The following TDO2 variants were observed in gnomAD, a reference collection of about 807,000 sequenced individuals.
TDO2 encodes tryptamin 2,3-dioxygenase.
Under a neutral mutation model 61.2 loss-of-function variants are expected in TDO2, and 63 were observed. That is an observed-to-expected ratio of 1.03 (90% CI 0.84 to 1.27). The LOEUF is 1.27. TDO2 is among the 50% of genes most tolerant of loss of function. The pLI, the probability that TDO2 is intolerant of heterozygous loss-of-function variation, is 0.00. For synonymous variants in TDO2, 183 were observed against 164.0 expected (o/e 1.12, Z -0.89); for missense variants, 494 against 469.5 (o/e 1.05, Z -0.48).
intron 4 of TDO2, 57 bp downstream of exon 4, chr4:155,907,849 T>C (rs1395095586): frequency 1.0e-5 from 14 of 1,349,536 alleles, no homozygotes; most frequent in Non-Finnish European, 1.5e-5. Context: ...ATATGGAAAG[T>C]ATTATTAATG....
At chr4:155,905,893 A>C (rs1560774847) in intron 3 of TDO2, 1 of 152,134 alleles carries the variant, frequency 6.6e-6, no homozygotes, top group Non-Finnish European at 1.5e-5. Context: ...AATGTGATTG[A>C]GTAAATTAAT....
chr4:155,915,441 A>G (rs1413705609), intron 8 of TDO2, among the ~76,000 whole-genome samples: 1 of 152,160 alleles, frequency 6.6e-6, no homozygotes, highest in Admixed American at 6.5e-5. Flanking sequence ...TGTGCTCATT[A>G]AAAACAAGTT....
intron 7 of TDO2, among the ~76,000 whole-genome samples, chr4:155,913,071 G>A (rs781660841): frequency 2.6e-5 from 4 of 151,978 alleles, no homozygotes; most frequent in Non-Finnish European, 5.9e-5. Flanking sequence ...TACCACTCAA[G>A]TGCAACCCTC....
At chr4:155,908,452 G>A (rs1351616554) in intron 4 of TDO2, among the ~76,000 whole-genome samples, 1 of 152,118 alleles carries the variant, frequency 6.6e-6, no homozygotes, top group Non-Finnish European at 1.5e-5. Context: ...CCATACAGAT[G>A]GGACCCTTCC....
Position 155,920,155 on chromosome 4 carries a change from G to T in TDO2, c.*165G>T. 1 of 633,716 alleles carries T rather than the reference G, an allele frequency of 1.6e-6. No individual in the cohort carries two copies. Among genetic ancestry groups the T allele is most frequent in the Non-Finnish European group, 2.7e-6 (1 of 373,262 alleles). The allele number at this position is 633,716 out of a possible 1,614,324, so 39.3% of individuals were successfully genotyped here. A position where few individuals can be genotyped will look rare whatever the true frequency, so the allele number is the denominator to read the frequency against. On this transcript the variant is annotated 3_prime_UTR_variant, in exon 12 of 12. Transcript: ENST00000536354. ...TTTGATTACCTCTTGTTTGTGACAAGACTAAGCATTAAGATGAGAAAGAAT... is the reference window on the plus strand; with the variant it reads ...TTTGATTACCTCTTGTTTGTGACAATACTAAGCATTAAGATGAGAAAGAAT...
At chr4:155,916,685 C>G (rs1742944367) in intron 9 of TDO2, among the ~76,000 whole-genome samples, 1 of 152,098 alleles carries the variant, frequency 6.6e-6, no homozygotes, top group Non-Finnish European at 1.5e-5. Flanking sequence ...TTGACTCACT[C>G]CTACTCTATT....
intron 5 of TDO2, among the ~76,000 whole-genome samples, chr4:155,909,788 A>G (rs542388715): frequency 6.6e-6 from 1 of 150,938 alleles, no homozygotes; most frequent in South Asian, 2.1e-4. Flanking sequence ...CTTACAATAG[A>G]AGAAACCATT....
In TDO2 at chr4:155,910,112, C is replaced by T. The variant is rs778957952; in HGVS notation, c.519C>T (p.Val173=). 1 of 1,600,384 alleles carries T rather than the reference C, an allele frequency of 6.2e-7. No individual in the cohort carries two copies. Among genetic ancestry groups the T allele is most frequent in the Non-Finnish European group, 8.5e-7 (1 of 1,175,462 alleles). The change falls in exon 6 of 12, where the codon GTC becomes GTT. Residue 173 remains valine (V), a synonymous_variant. Transcript: ENST00000536354. Reference sequence around the variant, plus strand: ...TAGGTGTTCTTCAGAACATGAGAGTCCCTTATAACAGAAGACATTATCGTG... The same window carrying T: ...TAGGTGTTCTTCAGAACATGAGAGTTCCTTATAACAGAAGACATTATCGTG... ...NKIGVLQNMR[V]PYNRRHYRDN...
chr4:155,912,309 TTAAA>T (rs369433466), intron 7 of TDO2, among the ~76,000 whole-genome samples: 92 of 152,226 alleles, frequency 6.0e-4, no homozygotes, highest in African/African-American at 2.1e-3. Flanking sequence ...GAACAGGAAA[TTAAA>T]TAAATACTTG....
intron 8 of TDO2, 76 bp from the exon 9 acceptor site, chr4:155,915,779 T>A (rs192907783): frequency 2.3e-6 from 3 of 1,280,292 alleles, no homozygotes; most frequent in Admixed American, 4.4e-5. Flanking sequence ...TTAAATTTTT[T>A]AAGATGACGA....
intron 4 of TDO2, 42 bp from the exon 5 acceptor site, chr4:155,908,845 G>C: frequency 6.3e-7 from 1 of 1,575,406 alleles, no homozygotes; most frequent in Middle Eastern, 1.7e-4. Context: ...ATTTTCTAGA[G>C]GTCAGCATTG....
chr4:155,903,791 T>A lies in TDO2; in HGVS notation c.33T>A (p.Phe11Leu). Reference sequence around the variant, plus strand: ...GGTGCCCATTTTTAGGAAACAACTTTGGGTGAGTATTTACCTTTATTCTAA... The same window carrying A: ...GGTGCCCATTTTTAGGAAACAACTTAGGGTGAGTATTTACCTTTATTCTAA... MSGCPFLGNN[F>L]GYTFKKLPVE... Residue 11 changes from phenylalanine to leucine, a missense_variant and splice_region_variant, in exon 1 of 12, where the codon TTT (phenylalanine) becomes TTA (leucine). Phe to Leu is a conservative substitution (Grantham distance 22). Transcript: ENST00000536354. 1 of 1,614,192 alleles carries A rather than the reference T, an allele frequency of 6.2e-7. No homozygotes were observed. Among genetic ancestry groups the A allele is most frequent in the Non-Finnish European group, 8.5e-7 (1 of 1,180,036 alleles).
intron 7 of TDO2, among the ~76,000 whole-genome samples, chr4:155,912,557 C>G (rs375325446): frequency 3.8e-4 from 58 of 152,224 alleles, no homozygotes; most frequent in African/African-American, 1.2e-3. Flanking sequence ...ATGTTTGCTT[C>G]TAATTCTCTG....
chr4:155,904,516 TA>T (rs1223397337), intron 2 of TDO2, among the ~76,000 whole-genome samples: 2 of 152,188 alleles, frequency 1.3e-5, no homozygotes, highest in Non-Finnish European at 2.9e-5. Context: ...AGTCGAAATG[TA>T]AAAGGCACAC....
rs895659393 is a variant in TDO2, at chr4:155,914,309, T to C, written c.727-14T>C. 6.3e-7 allele frequency: 1 copy of C among 1,589,626 alleles called. No homozygotes were observed. The highest frequency in any genetic ancestry group is 8.5e-7 in the Non-Finnish European group (1 of 1,170,380). ...TTCTCTCTCAGGACTATTAATGCCA[T>C]ATTTTTCCTAAAGGCTAAAGAAGAG... is the stretch of plus-strand genomic sequence containing the variant. On this transcript the variant is annotated splice_polypyrimidine_tract_variant and intron_variant, in intron 7 of 11. Coordinates refer to ENST00000536354, the MANE Select transcript of TDO2 (RefSeq NM_005651.4).
chr4:155,909,008 A>G lies in TDO2; in HGVS notation c.425A>G (p.Asp142Gly), dbSNP rs1379844570. The change falls in exon 5 of 12, where the codon GAC becomes GGC. Residue 142 changes from aspartate (D) to glycine (G), a missense_variant. Coordinates refer to ENST00000536354, the MANE Select transcript of TDO2 (RefSeq NM_005651.4). ...LETMTALDFN[D>G]FREYLSPASG... ...ACGATGACAGCCTTGGACTTCAATG[A>G]CTTCAGGTGTGCACATTTGGCATTT... 6.2e-7 allele frequency: 1 copy of G among 1,603,030 alleles called. No homozygotes were observed. Among genetic ancestry groups the G allele is most frequent in the Non-Finnish European group, 8.5e-7 (1 of 1,176,714 alleles).
intron 7 of TDO2, among the ~76,000 whole-genome samples, chr4:155,911,808 C>G (rs112247817): frequency 6.6e-6 from 1 of 151,894 alleles, no homozygotes; most frequent in Non-Finnish European, 1.5e-5. Context: ...CTTCATTGCA[C>G]GGGAGAATTT....
In TDO2 at chr4:155,919,858, A is replaced by T; in HGVS notation, c.1089A>T (p.Val363=). 6.2e-7 allele frequency: 1 copy of T among 1,613,410 alleles called. No individual in the cohort carries two copies. The highest frequency in any genetic ancestry group is 8.5e-7 in the Non-Finnish European group (1 of 1,179,644). The change falls in exon 12 of 12, where the codon GTA becomes GTT. Residue 363 remains valine, a synonymous_variant. Coordinates refer to ENST00000536354, the MANE Select transcript of TDO2 (RefSeq NM_005651.4). The part of the protein sequence containing the change: ...STVSDRYKVF[V]DLFNLSTYLI... Reference sequence around the variant, plus strand: ...CCAGTGATAGGTACAAGGTATTTGTAGATTTATTTAATCTTTCAACATACC... The same window carrying T: ...CCAGTGATAGGTACAAGGTATTTGTTGATTTATTTAATCTTTCAACATACC...
intron 10 of TDO2, 115 bp downstream of exon 10, chr4:155,917,589 G>A (rs1742966492): frequency 3.7e-6 from 3 of 807,704 alleles, no homozygotes; most frequent in Non-Finnish European, 5.8e-6. Context: ...TCCTTTGTGT[G>A]TGGGTGCATT....
Sources: allele counts gnomAD v4.1 joint callset (sites outside exome capture counted in the v4.1 genomes callset), GRCh38; gene constraint gnomAD v4.1.1; transcripts MANE v1.5; gene names NCBI Gene and HGNC (gene_info 2026-07-23, HGNC 2026-07-21).